SPG11: variants seen among roughly 807,000 people sequenced by gnomAD.
The protein encoded by SPG11 is spatacsin.
Under a neutral mutation model 274.0 loss-of-function variants are expected in SPG11, and 222 were observed. The ratio of observed to expected loss-of-function variants is 0.81; its 90% CI spans 0.73 to 0.91. The LOEUF is 0.91. Among genes scored for constraint, SPG11 ranks in the 40% least tolerant of loss-of-function variants. The pLI is 0.00. For missense variants in SPG11, 3,114 were observed against 2,872.7 expected, an observed-to-expected ratio of 1.08 and a Z score of -1.92; for synonymous variants, 1,144 against 1,039.7, an observed-to-expected ratio of 1.10 and a Z score of -1.93.
At chr15:44,573,878 C>A in intron 31 of SPG11, 133 bp from the exon 32 acceptor site, 1 of 831,996 alleles carries the variant, frequency 1.2e-6, no homozygotes, top group Non-Finnish European at 2.0e-6. Flanking sequence ...CAGCAGGAAC[C>A]TTAGAAAAAG....
rs146098780 is a variant in SPG11, at chr15:44,584,237, G to C, written c.5443C>G (p.Gln1815Glu). The C allele has an allele frequency of 4.3e-6, 7 of 1,614,180 alleles. No individual in the cohort carries two copies. The highest frequency in any genetic ancestry group is 5.9e-6 in the Non-Finnish European group (7 of 1,180,024). The change falls in exon 30 of 40, where the codon CAG becomes GAG. Residue 1815 changes from glutamine to glutamate, a missense_variant. By Grantham distance (29) the Gln-to-Glu change is conservative. Transcript: ENST00000261866. Reference protein sequence around the residue: ...RITQHTLGRNQEETEPRFSRQ... With the variant: ...RITQHTLGRNEEETEPRFSRQ... ...GAAAATCTGGGCTCTGTTTCCTCCTGATTTCTTCCAAGAGTGTGCTGGGTG... is the reference window on the plus strand; with the variant it reads ...GAAAATCTGGGCTCTGTTTCCTCCTCATTTCTTCCAAGAGTGTGCTGGGTG...
At position 44,583,880 on chromosome 15, in the gene SPG11, G is replaced by C. The variant is rs979320869; in HGVS notation, c.5800C>G (p.Leu1934Val). The C allele has an allele frequency of 3.7e-6, 6 of 1,614,082 alleles. No homozygotes were observed. The highest frequency in any genetic ancestry group is 2.2e-5 in the South Asian group (2 of 91,086). Residue 1934 changes from leucine to valine, a missense_variant, in exon 30 of 40, where the codon CTC becomes GTC. Coordinates refer to ENST00000261866, the MANE Select transcript of SPG11 (RefSeq NM_025137.4). Reference sequence around the variant, plus strand: ...TCAAGCAGCTCAGCACTTTGTAGGAGAGCATGGATCTCTGGGTGCAGATCC... The same window carrying C: ...TCAAGCAGCTCAGCACTTTGTAGGACAGCATGGATCTCTGGGTGCAGATCC... ...MEDLHPEIHA[L>V]LQSAELLEEE...
chr15:44,587,693 C>CAAAAAAAAAAAAAAA (rs34479385), intron 28 of SPG11, among the ~76,000 whole-genome samples: 5 of 34,054 alleles, frequency 1.5e-4, no homozygotes, highest in African/African-American at 8.9e-4. Flanking sequence ...CAGACTGTCT[C>CAAAAAAAAAAAAAAA]AAAAAAAAAA....
chr15:44,599,531 G>T lies in SPG11; in HGVS notation c.3687-695C>A, dbSNP rs184295890. On this transcript the variant is annotated intron_variant, in intron 21 of 39. Coordinates refer to ENST00000261866, the MANE Select transcript of SPG11 (RefSeq NM_025137.4). Reference sequence around the variant, plus strand: ...GCCAGGCTGGTCTCAAACTCCTGAGGTTGTGATCCGCCCACCTTGGCCTCC... The same window carrying T: ...GCCAGGCTGGTCTCAAACTCCTGAGTTTGTGATCCGCCCACCTTGGCCTCC... Among the ~76,000 whole-genome samples, 597 of 152,096 alleles carry T rather than the reference G, an allele frequency of 3.9e-3. 5 individuals carry two copies. The highest frequency in any genetic ancestry group is 0.014 in the Middle Eastern group (4 of 292).
intron 4 of SPG11, among the ~76,000 whole-genome samples, chr15:44,655,786 T>C (rs2084923166): frequency 6.6e-6 from 1 of 152,200 alleles, no homozygotes; most frequent in South Asian, 2.1e-4. Flanking sequence ...TGTTGAAGGG[T>C]CAACTGTACT....
In SPG11 at chr15:44,648,865, C is replaced by T; in HGVS notation, c.1602+1G>A. On this transcript the variant is annotated splice_donor_variant, in intron 7 of 39. Coordinates refer to ENST00000261866, the MANE Select transcript of SPG11 (RefSeq NM_025137.4). LOFTEE classifies it high-confidence loss of function. Reference sequence around the variant, plus strand: ...TGTTCTTGGGCATTTAATTCTGTTACCTCTAGTGCATGTATGGGAATTGAG... The same window carrying T: ...TGTTCTTGGGCATTTAATTCTGTTATCTCTAGTGCATGTATGGGAATTGAG... The T allele has an allele frequency of 1.2e-6, 2 of 1,613,928 alleles. No individual in the cohort carries two copies. The highest frequency in any genetic ancestry group is 1.7e-6 in the Non-Finnish European group (2 of 1,179,920).
At position 44,648,895 on chromosome 15, in the gene SPG11, T is replaced by C. The variant is rs747090735; in HGVS notation, c.1573A>G (p.Arg525Gly). The C allele has an allele frequency of 6.2e-7, 1 of 1,614,150 alleles. No individual in the cohort carries two copies. The highest frequency in any genetic ancestry group is 8.5e-7 in the Non-Finnish European group (1 of 1,179,984). The change falls in exon 7 of 40, where the codon AGG (arginine) becomes GGG (glycine). Residue 525 changes from arginine (R) to glycine (G), a missense_variant. By Grantham distance (125) the Arg-to-Gly change is moderately radical. Coordinates refer to ENST00000261866, the MANE Select transcript of SPG11 (RefSeq NM_025137.4). ...DTLCHLNGWG[R>G]CSIPIHALEA... ...AGTGCATGTATGGGAATTGAGCACC[T>C]TCCCCAGCCATTGAGATGACAAAGA...
Position 44,652,266 on chromosome 15 carries a change from C to G in SPG11, c.870G>C (p.Arg290Ser). 2 of 1,613,876 alleles carry G rather than the reference C, an allele frequency of 1.2e-6. No homozygotes were observed. The highest frequency in any genetic ancestry group is 1.1e-5 in the South Asian group (1 of 91,066). ...AVALNLNLYFRQHPGHLLCER... is the reference protein window; with the variant it reads ...AVALNLNLYFSQHPGHLLCER... ...CACACAGTAGGTGTCCTGGGTGTTG[C>G]CTACATTTAAAAATAATGATAGACA... The change falls in exon 5 of 40, where the codon AGG (arginine) becomes AGC (serine). Residue 290 changes from arginine (R) to serine (S), a missense_variant and splice_region_variant. By Grantham distance (110) the Arg-to-Ser change is moderately radical. Coordinates refer to ENST00000261866, the MANE Select transcript of SPG11 (RefSeq NM_025137.4).
intron 15 of SPG11, among the ~76,000 whole-genome samples, chr15:44,616,207 CTTTTTTT>C (rs534285308): frequency 1.3e-4 from 18 of 138,174 alleles, no homozygotes; most frequent in African/African-American, 1.6e-4. Context: ...CATTCCCATA[CTTTTTTT>C]TTTTTTTTTT....
rs183185660 is a variant in SPG11, at chr15:44,567,485, A to C, written c.6693T>G (p.Ile2231Met). ...GGGCAGCTGCCTCGTGGTTCTCGCC[A>C]ATCTCCCGGCACATGCTGAAGCACA... ...IALCFSMCRE[I>M]GENHEAAARI... The change falls in exon 36 of 40, where the codon ATT (isoleucine) becomes ATG (methionine). Residue 2231 changes from isoleucine to methionine, a missense_variant. Ile to Met is a conservative substitution (Grantham distance 10, BLOSUM62 1). Coordinates refer to ENST00000261866, the MANE Select transcript of SPG11 (RefSeq NM_025137.4). The C allele has an allele frequency of 6.2e-7, 1 of 1,614,084 alleles. No individual in the cohort carries two copies. Among genetic ancestry groups the C allele is most frequent in the African/African-American group, 1.3e-5 (1 of 75,008 alleles).
At chr15:44,657,068 A>G in intron 4 of SPG11, 27 bp downstream of exon 4, 3 of 1,605,344 alleles carry the variant, frequency 1.9e-6, no homozygotes, top group Non-Finnish European at 2.6e-6. Context: ...ATTTACCTCA[A>G]ATTAGAAACT....
intron 3 of SPG11, 122 bp downstream of exon 3, chr15:44,658,957 T>G: frequency 1.2e-6 from 1 of 843,608 alleles, no homozygotes; most frequent in South Asian, 1.4e-5. Flanking sequence ...ATGAAAAGTT[T>G]TACTGAAAAA....
chr15:44,650,728 G>A (rs1298257000), intron 6 of SPG11, among the ~76,000 whole-genome samples: 2 of 152,000 alleles, frequency 1.3e-5, no homozygotes, highest in African/African-American at 4.8e-5. Flanking sequence ...CAGGAATGCA[G>A]ATCCAGTGTT....
At chr15:44,620,813 C>T (rs559431065) in intron 14 of SPG11, 46 of 168,994 alleles carry the variant, frequency 2.7e-4, no homozygotes, top group Middle Eastern at 3.0e-3. Context: ...ATTCTCCTGC[C>T]TCGGCCTCCC....
At chr15:44,648,828 A>C in intron 7 of SPG11, 38 bp downstream of exon 7, 3 of 1,604,764 alleles carry the variant, frequency 1.9e-6, no homozygotes, top group Non-Finnish European at 2.6e-6. Context: ...ATAACACAAA[A>C]TAATTAAGTA....
chr15:44,583,716 C>G, intron 30 of SPG11, 98 bp downstream of exon 30: 2 of 1,543,434 alleles, frequency 1.3e-6, no homozygotes, highest in Non-Finnish European at 1.8e-6. Flanking sequence ...GTCCCCTTAA[C>G]TTGGTAGAAC....
rs375403626 is a variant in SPG11 at position 44,584,085 on chromosome 15, T to C, written c.5595A>G (p.Thr1865=). ...LELNSLPSKE[T]CENRLDWKEQ... is the part of the protein sequence containing the mutation. Reference sequence around the variant, plus strand: ...CTTTCCAATCCAATCTATTCTCGCATGTCTCTTTGGATGGAAGGCTGTTAA... The same window carrying C: ...CTTTCCAATCCAATCTATTCTCGCACGTCTCTTTGGATGGAAGGCTGTTAA... Residue 1865 remains threonine, a synonymous_variant, in exon 30 of 40, where the codon ACA becomes ACG. Coordinates refer to ENST00000261866, the MANE Select transcript of SPG11 (RefSeq NM_025137.4). 1.1e-5 allele frequency: 17 copies of C among 1,614,152 alleles called. No homozygotes were observed. Among genetic ancestry groups the C allele is most frequent in the Middle Eastern group, 3.3e-4 (2 of 6,084 alleles).
chr15:44,569,677 A>C (rs2082377875), intron 34 of SPG11, among the ~76,000 whole-genome samples, 172 bp from the exon 35 acceptor site: 1 of 150,994 alleles, frequency 6.6e-6, no homozygotes, highest in Non-Finnish European at 1.5e-5. Context: ...GGGCCTCTGG[A>C]GGATTCAGAA....
At chr15:44,616,906 T>C (rs2083604981) in intron 15 of SPG11, among the ~76,000 whole-genome samples, 1 of 152,224 alleles carries the variant, frequency 6.6e-6, no homozygotes, top group Non-Finnish European at 1.5e-5. Context: ...GTAAAATAAA[T>C]TTGCATTTCC....
Sources: allele counts gnomAD v4.1 joint callset (sites outside exome capture counted in the v4.1 genomes callset), GRCh38; gene constraint gnomAD v4.1.1; transcripts MANE v1.5; gene names NCBI Gene and HGNC (gene_info 2026-07-23, HGNC 2026-07-21).